The following ESRRG variants were observed in gnomAD, a reference collection of about 807,000 sequenced individuals.
ESRRG encodes estrogen related receptor gamma.
Under a neutral mutation model 44.0 loss-of-function variants are expected in ESRRG, and 13 were observed. That is an observed-to-expected ratio of 0.30 (90% CI 0.19 to 0.47). The LOEUF (loss-of-function observed/expected upper bound fraction) is 0.47, where lower values mean the gene tolerates loss of function less well. ESRRG is among the 20% of genes least tolerant of loss of function. The pLI is 1.00. For synonymous variants in ESRRG, 215 were observed against 214.6 expected (o/e 1.00, Z -0.02); for missense variants, 395 against 580.6 (o/e 0.68, Z 3.29).
At chr1:216,585,298 A>G (rs112131049) in intron 3 of ESRRG, among the ~76,000 whole-genome samples, 1 of 152,228 alleles carries the variant, frequency 6.6e-6, no homozygotes, top group African/African-American at 2.4e-5. Context: ...GTAAACTGCC[A>G]ACATCCTCTT....
chr1:217,122,011 G>A (rs1331841698), intron 1 of ESRRG, among the ~76,000 whole-genome samples: 1 of 152,156 alleles, frequency 6.6e-6, no homozygotes, highest in Non-Finnish European at 1.5e-5. Context: ...CCACGAGTTA[G>A]GTTAACTATG....
chr1:217,031,644 C>A (rs2151025085), intron 1 of ESRRG, among the ~76,000 whole-genome samples: 1 of 151,978 alleles, frequency 6.6e-6, no homozygotes, highest in African/African-American at 2.4e-5. Context: ...CCACCCAAAT[C>A]TCATTTTGAA....
intron 2 of ESRRG, among the ~76,000 whole-genome samples, chr1:216,896,484 A>G (rs2058432793): frequency 6.6e-6 from 1 of 152,200 alleles, no homozygotes; most frequent in Admixed American, 6.5e-5. Flanking sequence ...AAATTGCCAC[A>G]GATTGTTAGG....
intron 1 of ESRRG, among the ~76,000 whole-genome samples, chr1:217,017,165 C>CAT (rs1403701431): frequency 6.6e-6 from 1 of 152,072 alleles, no homozygotes; most frequent in African/African-American, 2.4e-5. Flanking sequence ...ATCCAATGAC[C>CAT]AGTTGTACAG....
intron 5 of ESRRG, among the ~76,000 whole-genome samples, chr1:216,541,385 A>C (rs2052668614): frequency 6.6e-6 from 1 of 152,034 alleles, no homozygotes; most frequent in African/African-American, 2.4e-5. Flanking sequence ...TTAACAGGCA[A>C]ATTCAATAGG....
At chr1:216,545,210 G>A (rs1219915586) in intron 5 of ESRRG, among the ~76,000 whole-genome samples, 2 of 149,906 alleles carry the variant, frequency 1.3e-5, no homozygotes, top group African/African-American at 2.4e-5. Flanking sequence ...AGCATGCCTA[G>A]CTAATTTTTT....
At chr1:216,637,965 A>G (rs532808394) in intron 3 of ESRRG, among the ~76,000 whole-genome samples, 32 of 152,258 alleles carry the variant, frequency 2.1e-4, no homozygotes, top group African/African-American at 7.5e-4. Flanking sequence ...CCTGCACCCA[A>G]ATTACAAAAA....
intron 1 of ESRRG, among the ~76,000 whole-genome samples, chr1:217,034,476 C>T (rs959141162): frequency 5.9e-5 from 9 of 152,034 alleles, no homozygotes; most frequent in African/African-American, 2.2e-4. Flanking sequence ...CGGATAGGCC[C>T]GGAGGATTTT....
At chr1:216,557,121 C>T (rs2057751809) in intron 5 of ESRRG, among the ~76,000 whole-genome samples, 1 of 152,130 alleles carries the variant, frequency 6.6e-6, no homozygotes, top group South Asian at 2.1e-4. Flanking sequence ...TTCACATGAG[C>T]AGCTAGTGAT....
intron 2 of ESRRG, among the ~76,000 whole-genome samples, chr1:216,880,043 C>T (rs2096418230): frequency 6.6e-6 from 1 of 151,818 alleles, no homozygotes; most frequent in Admixed American, 6.6e-5. Context: ...CATGGTGGCT[C>T]ACATCTGTCA....
At chr1:216,991,533 G>C (rs1337310188) in intron 1 of ESRRG, among the ~76,000 whole-genome samples, 2 of 151,966 alleles carry the variant, frequency 1.3e-5, no homozygotes, top group Non-Finnish European at 2.9e-5. Flanking sequence ...GGGGGAAATA[G>C]CTAATTGATA....
chr1:216,716,845 C>G (rs1271731298), intron 1 of ESRRG, among the ~76,000 whole-genome samples: 4 of 151,718 alleles, frequency 2.6e-5, no homozygotes, highest in Non-Finnish European at 4.4e-5. Context: ...GGTTGTATTT[C>G]TAATTGTTAG....
intron 3 of ESRRG, among the ~76,000 whole-genome samples, chr1:216,579,733 T>C (rs1389188942): frequency 6.6e-6 from 1 of 152,150 alleles, no homozygotes; most frequent in Non-Finnish European, 1.5e-5. Flanking sequence ...CATCTCTAAA[T>C]TCTAGTGTGT....
At chr1:216,799,468 G>A (rs1012715654) in intron 2 of ESRRG, among the ~76,000 whole-genome samples, 1 of 144,734 alleles carries the variant, frequency 6.9e-6, no homozygotes, top group African/African-American at 2.5e-5. Context: ...AAGCAGGGAG[G>A]CACAATGAAG....
intron 2 of ESRRG, among the ~76,000 whole-genome samples, chr1:216,755,588 T>A (rs933942053): frequency 6.6e-6 from 1 of 152,050 alleles, no homozygotes; most frequent in Non-Finnish European, 1.5e-5. Context: ...TTACCTCACA[T>A]GGTCCCCACA....
chr1:216,872,539 T>C (rs2096273212), intron 2 of ESRRG, among the ~76,000 whole-genome samples: 1 of 152,200 alleles, frequency 6.6e-6, no homozygotes, highest in Non-Finnish European at 1.5e-5. Flanking sequence ...TCTACTGATT[T>C]ATTTTCGAGT....
chr1:217,089,939 A>G (rs1245262785), upstream of ESRRG, among the ~76,000 whole-genome samples: 1 of 152,222 alleles, frequency 6.6e-6, no homozygotes, highest in Non-Finnish European at 1.5e-5. Context: ...GCAGAAGAAG[A>G]GAGAGGCTGC....
intron 2 of ESRRG, among the ~76,000 whole-genome samples, chr1:216,830,645 T>C (rs2095473211): frequency 6.6e-6 from 1 of 152,086 alleles, no homozygotes; most frequent in Admixed American, 6.6e-5. Context: ...CTCAGACTTT[T>C]TTCACCCGCT....
At chr1:216,797,618 T>G (rs185582629) in intron 2 of ESRRG, among the ~76,000 whole-genome samples, 6 of 152,172 alleles carry the variant, frequency 3.9e-5, no homozygotes, top group Non-Finnish European at 8.8e-5. Flanking sequence ...TGGTCAGGTC[T>G]TTTGTAGAAT....
Sources: gnomAD v4.1 joint callset for allele counts (sites outside exome capture counted in the v4.1 genomes callset) on GRCh38, gnomAD v4.1.1 for gene constraint, MANE v1.5 for transcripts, NCBI Gene and HGNC (gene_info 2026-07-23, HGNC 2026-07-21) for gene names.